Variants in SMARCA4 observed in about 807,000 individuals in gnomAD.
SMARCA4 encodes SWI/SNF-related matrix-associated actin-dependent regulator of chromatin subfamily A member 4.
In SMARCA4, 31 loss-of-function variants were observed where a neutral mutation model predicts 193.9. The ratio of observed to expected loss-of-function variants is 0.16; its 90% CI spans 0.12 to 0.22. The LOEUF (loss-of-function observed/expected upper bound fraction) is 0.22, where lower values mean the gene tolerates loss of function less well. Ranked by LOEUF, SMARCA4 falls within the 10% of genes least tolerant of loss-of-function variation. The probability of loss-of-function intolerance (pLI) is 1.00; values close to 1 mark genes in which losing one functional copy is unlikely to be tolerated. For synonymous variants in SMARCA4, 942 were observed against 933.1 expected (o/e 1.01, Z -0.17); for missense variants, 1,148 against 2,296.0 (o/e 0.50, Z 10.22).
intron 9 of SMARCA4, 151 bp downstream of exon 9, chr19:10,995,152 T>A (rs1418514939): frequency 1.3e-6 from 1 of 744,192 alleles, no homozygotes; most frequent in African/African-American, 1.7e-5. Context: ...GGCTTGGGAG[T>A]CAGTCCTGGG....
rs1354346862 is a variant in SMARCA4 at position 10,987,301 on chromosome 19, C to G, written c.859+298C>G. Among the ~76,000 whole-genome samples, 1 of 152,198 alleles carries G rather than the reference C, an allele frequency of 6.6e-6. No individual in the cohort carries two copies. Among genetic ancestry groups the G allele is most frequent in the African/African-American group, 2.4e-5 (1 of 41,442 alleles). On this transcript the variant is annotated intron_variant, in intron 5 of 34. Transcript: ENST00000344626. This position sits in a 1 kb window ranked among gnomAD's most constrained non-coding sequence, Gnocchi z 5.3. ...TTGGGCTCAAAGAGGCAGTGGGACT[C>G]ATTACCCATCCTCTTGGAGCCTGAG... is the stretch of plus-strand genomic sequence containing the variant.
chr19:10,987,748 G>A lies in SMARCA4; in HGVS notation c.942G>A (p.Ala314=), dbSNP rs567283924. ...PPQPTGRPSP[A]PPAVPPAASP... is the part of the protein sequence containing the mutation. ...AGCCAACGGGCCGCCCTTCCCCCGC[G>A]CCCCCTGCCGTCCCACCCGCCGCCT... Residue 314 remains alanine, a synonymous_variant, in exon 6 of 35, where the codon GCG becomes GCA. Transcript: ENST00000344626. The surrounding 1 kb of genome is among the most constrained non-coding windows in gnomAD (Gnocchi z 5.3). 282 of 1,598,276 alleles carry A rather than the reference G, an allele frequency of 1.8e-4. 2 individuals are homozygous for A. In the South Asian group the frequency reaches 2.8e-3, roughly 16 times the overall value.
rs1291643997 is a variant in SMARCA4, at chr19:11,027,775, A to C, written c.3216-9A>C. ...CTGCGCCTTCTCTCCTGCCTCCTCC[A>C]CACTCCAGGCTGGACCTGTACCGAG... On this transcript the variant is annotated splice_polypyrimidine_tract_variant and intron_variant, in intron 23 of 34. Coordinates refer to ENST00000344626, the MANE Select transcript of SMARCA4 (RefSeq NM_003072.5). 6.2e-7 allele frequency: 1 copy of C among 1,613,778 alleles called. No homozygotes were observed. Among genetic ancestry groups the C allele is most frequent in the Non-Finnish European group, 8.5e-7 (1 of 1,180,022 alleles).
At chr19:11,029,875 C>G (rs1408327825) in intron 24 of SMARCA4, among the ~76,000 whole-genome samples, 1 of 152,124 alleles carries the variant, frequency 6.6e-6, no homozygotes, top group Non-Finnish European at 1.5e-5. Context: ...GGGGTTTCAC[C>G]ATGTTGGCCA....
rs533500804 is a variant in SMARCA4 at position 11,035,855 on chromosome 19, C to T, written c.4170+723C>T. On this transcript the variant is annotated intron_variant, in intron 29 of 34. Transcript: ENST00000344626. ...ACTGGGGTTACGGTGACAGATCAGA[C>T]CCCTTCCCAGCTCAGGGGCTCTGAG... is the stretch of plus-strand genomic sequence containing the variant. 1.3e-3 allele frequency among the ~76,000 whole-genome samples: 203 copies of T among 152,358 alleles called. 1 individual carries two copies. Among genetic ancestry groups the T allele is most frequent in the African/African-American group, 4.4e-3 (185 of 41,592 alleles).
intron 1 of SMARCA4, among the ~76,000 whole-genome samples, chr19:10,963,288 G>T (rs1370819000): frequency 6.7e-6 from 1 of 150,240 alleles, no homozygotes; most frequent in Non-Finnish European, 1.5e-5. Context: ...TAGGAGGACT[G>T]CTTGAGCCAG....
In SMARCA4 at chr19:11,008,011, G is replaced by A. The variant is rs1248744047; in HGVS notation, c.2111G>A (p.Arg704Gln). 6 of 1,613,172 alleles carry A rather than the reference G, an allele frequency of 3.7e-6. No homozygotes were observed. Among genetic ancestry groups the A allele is most frequent in the Non-Finnish European group, 5.1e-6 (6 of 1,179,522 alleles). ...DSDDVSEVDA[R>Q]HIIENAKQDV... is the part of the protein sequence containing the mutation. Reference sequence around the variant, plus strand: ...GATGACGTCTCTGAGGTGGACGCGCGGCACATCATTGAGTAAGGGGTCCCG... The same window carrying A: ...GATGACGTCTCTGAGGTGGACGCGCAGCACATCATTGAGTAAGGGGTCCCG... Residue 704 changes from arginine (R) to glutamine (Q), a missense_variant, in exon 14 of 35, where the codon CGG (arginine) becomes CAG (glutamine). Arg to Gln is a conservative substitution (Grantham distance 43). Coordinates refer to ENST00000344626, the MANE Select transcript of SMARCA4 (RefSeq NM_003072.5).
In SMARCA4 at chr19:11,021,808, C is replaced by T. The variant is rs781716594; in HGVS notation, c.2700C>T (p.His900=). The T allele has an allele frequency of 1.2e-6, 2 of 1,613,798 alleles. No individual in the cohort carries two copies. Among genetic ancestry groups the T allele is most frequent in the South Asian group, 1.1e-5 (1 of 91,092 alleles). Residue 900 remains histidine (H), a synonymous_variant, in exon 19 of 35, where the codon CAC becomes CAT. Coordinates refer to ENST00000344626, the MANE Select transcript of SMARCA4 (RefSeq NM_003072.5). ...HCKLTQVLNT[H]YVAPRRLLLT... is the part of the protein sequence containing the mutation. ...AGCTGACGCAGGTGCTCAACACGCA[C>T]TATGTGGCACCCCGCCGCCTGCTGC...
intron 13 of SMARCA4, among the ~76,000 whole-genome samples, chr19:11,006,959 CG>C (rs962088137): frequency 2.0e-5 from 3 of 151,892 alleles, no homozygotes; most frequent in Non-Finnish European, 4.4e-5. Context: ...TCATAGTGCA[CG>C]CCTGTGGTCC....
In SMARCA4 at chr19:10,994,089, G is replaced by C. The variant is rs113751308; in HGVS notation, c.1420-739G>C. On this transcript the variant is annotated intron_variant, in intron 8 of 34. Transcript: ENST00000344626. ...GAGTCTCACTCTGTCACCCAGGCTG[G>C]AGTACAGTGGTGCGATCTCAGCTCA... Among the ~76,000 whole-genome samples, 346 of 151,880 alleles carry C rather than the reference G, an allele frequency of 2.3e-3. 6 individuals carry two copies. The highest frequency in any genetic ancestry group is 7.9e-3 in the African/African-American group (326 of 41,410).
At chr19:11,036,238 T>G (rs2075262448) in intron 29 of SMARCA4, among the ~76,000 whole-genome samples, 1 of 152,192 alleles carries the variant, frequency 6.6e-6, no homozygotes, top group South Asian at 2.1e-4. Context: ...GCCACAGACC[T>G]GTGTGACAGC....
chr19:10,973,558 G>A lies in SMARCA4; in HGVS notation c.-31-10563G>A, dbSNP rs368091201. ...TGGGACTACAGGCCCCCGCCACCAC[G>A]CCCAGCTAATTTTTTTTTTTTTTTT... is the stretch of plus-strand genomic sequence containing the variant. On this transcript the variant is annotated intron_variant, in intron 1 of 34. Transcript: ENST00000344626. Among the ~76,000 whole-genome samples, 253 of 148,958 alleles carry A rather than the reference G, an allele frequency of 1.7e-3. 1 individual carries two copies. Among genetic ancestry groups the A allele is most frequent in the Middle Eastern group, 6.8e-3 (2 of 292 alleles).
chr19:11,026,497 CTTTT>C (rs35017701), intron 23 of SMARCA4, 151 bp downstream of exon 23: 999 of 412,540 alleles, frequency 2.4e-3, no homozygotes, highest in East Asian at 5.1e-3. Context: ...TAATACAAAT[CTTTT>C]TTTTTTTTTT....
intron 1 of SMARCA4, among the ~76,000 whole-genome samples, chr19:10,974,835 T>C (rs1025244220): frequency 3.4e-5 from 5 of 147,380 alleles, no homozygotes; most frequent in African/African-American, 1.2e-4. Flanking sequence ...GCCTCCCAAG[T>C]AGCTGTGATT....
chr19:10,989,708 T>C, intron 7 of SMARCA4, among the ~76,000 whole-genome samples: 1 of 150,740 alleles, frequency 6.6e-6, no homozygotes. Context: ...CCTTTCCCTT[T>C]TTTTTTTTTT....
At chr19:10,995,240 T>C in intron 9 of SMARCA4, 2 of 650,790 alleles carry the variant, frequency 3.1e-6, no homozygotes, top group South Asian at 3.0e-5. Flanking sequence ...CTCTGCCTTC[T>C]CTGGAAAATG....
At chr19:11,052,878 A>G (rs1293715427) in intron 30 of SMARCA4, among the ~76,000 whole-genome samples, 6 of 152,162 alleles carry the variant, frequency 3.9e-5, no homozygotes, top group Non-Finnish European at 7.3e-5. Flanking sequence ...GGTGCCATGT[A>G]TAACACCCTT....
intron 1 of SMARCA4, among the ~76,000 whole-genome samples, chr19:10,978,961 T>C (rs2085351842): frequency 6.6e-6 from 1 of 151,696 alleles, no homozygotes; most frequent in African/African-American, 2.4e-5. Flanking sequence ...AATAAATAAA[T>C]AAATAGATAG....
Position 10,984,230 on chromosome 19 carries a change from A to G in SMARCA4, c.79A>G (p.Met27Val), listed in dbSNP as rs768328175. 8.7e-6 allele frequency: 14 copies of G among 1,612,646 alleles called. No individual in the cohort carries two copies. The African/African-American group carries it at 1.7e-4, about 20-fold the overall frequency. The change falls in exon 2 of 35, where the codon ATG (methionine) becomes GTG (valine). Residue 27 changes from methionine (M) to valine (V), a missense_variant. By Grantham distance (21) the Met-to-Val change is conservative (BLOSUM62 1). Transcript: ENST00000344626. The surrounding 1 kb of genome is among the most constrained non-coding windows in gnomAD (Gnocchi z 4.3). Reference sequence around the variant, plus strand: ...GGGCCCTGGCCCTTCCCCTGGAGCCATGCTGGGCCCTAGCCCGGGTCCCTC... The same window carrying G: ...GGGCCCTGGCCCTTCCCCTGGAGCCGTGCTGGGCCCTAGCCCGGGTCCCTC... ...SPGPGPSPGA[M>V]LGPSPGPSPG...
Sources: allele counts gnomAD v4.1 joint callset (sites outside exome capture counted in the v4.1 genomes callset), GRCh38; gene constraint gnomAD v4.1.1; non-coding constraint Gnocchi (gnomAD v3.1); transcripts MANE v1.5; gene names NCBI Gene and HGNC (gene_info 2026-07-23, HGNC 2026-07-21).